The following ADAMTS3 variants were observed in gnomAD, a reference collection of about 807,000 sequenced individuals.
ADAMTS3 encodes A disintegrin and metalloproteinase with thrombospondin motifs 3.
ADAMTS3 carries 73 observed loss-of-function variants against 129.0 expected under a neutral mutation model. The ratio of observed to expected loss-of-function variants is 0.57; its 90% confidence interval spans 0.47 to 0.69. ADAMTS3 has a LOEUF of 0.69. Ranked by LOEUF, ADAMTS3 falls within the 30% of genes least tolerant of loss-of-function variation. The probability of loss-of-function intolerance (pLI) is 0.00; values close to 1 mark genes in which losing one functional copy is unlikely to be tolerated. For synonymous variants in ADAMTS3, 477 were observed against 510.8 expected, an observed-to-expected ratio of 0.93 and a Z score of 0.89; for missense variants, 1,457 against 1,514.5, an observed-to-expected ratio of 0.96 and a Z score of 0.63.
intron 4 of ADAMTS3, among the ~76,000 whole-genome samples, chr4:72,405,548 T>C (rs1722029911): frequency 6.6e-6 from 1 of 152,194 alleles, no homozygotes; most frequent in Non-Finnish European, 1.5e-5. Flanking sequence ...GCCTGGAGAC[T>C]ATATCACAAA....
chr4:72,537,391 T>A (rs813130), intron 3 of ADAMTS3, among the ~76,000 whole-genome samples: 151,577 of 152,318 alleles, frequency 1, 75,424 homozygotes, highest in Middle Eastern at 1. Context: ...AGGGAATTTA[T>A]AGAGATAGCT....
At chr4:72,320,667 T>C (rs774072951) in intron 7 of ADAMTS3, 47 bp downstream of exon 7, 1 of 1,588,714 alleles carries the variant, frequency 6.3e-7, no homozygotes, top group East Asian at 2.3e-5. Flanking sequence ...GATTACTTTT[T>C]AAAAGTCATG....
In ADAMTS3 at chr4:72,281,814, A is replaced by G. The variant is rs1170678128; in HGVS notation, c.*1322T>C. On this transcript the variant is annotated 3_prime_UTR_variant, in exon 22 of 22. Transcript: ENST00000286657. Reference sequence around the variant, plus strand: ...TATTTAGTACATAAAAATACTATCAAGAAAAAAAATCAACTTTTAATAAAT... The same window carrying G: ...TATTTAGTACATAAAAATACTATCAGGAAAAAAAATCAACTTTTAATAAAT... The G allele has an allele frequency of 4.3e-5, 1 of 23,292 alleles. No individual in the cohort carries two copies. Among genetic ancestry groups the G allele is most frequent in the Non-Finnish European group, 1.9e-4 (1 of 5,248 alleles). 1.4% of individuals were successfully genotyped at this position (23,292 alleles called of 1,614,324 possible).
Position 72,515,992 on chromosome 4 carries a change from C to T in ADAMTS3, c.504+32486G>A, listed in dbSNP as rs187460691. Among the ~76,000 whole-genome samples the T allele has an allele frequency of 6.2e-3, 944 of 152,244 alleles. 18 individuals carry two copies. The highest frequency in any genetic ancestry group is 0.022 in the African/African-American group (897 of 41,540). ...TAGGTCTAACATGTAAATCTTTAAT[C>T]CATCTTGAATTAATTTTTGTATAAG... On this transcript the variant is annotated intron_variant, in intron 3 of 21. Transcript: ENST00000286657.
intron 3 of ADAMTS3, among the ~76,000 whole-genome samples, chr4:72,461,596 CAG>C (rs1718773279): frequency 6.6e-6 from 1 of 151,802 alleles, no homozygotes; most frequent in Admixed American, 6.6e-5. Flanking sequence ...TGGCAGTAAA[CAG>C]AGTTTTAAAT....
At chr4:72,564,688 G>A (rs1157971759) in intron 2 of ADAMTS3, among the ~76,000 whole-genome samples, 6 of 152,132 alleles carry the variant, frequency 3.9e-5, no homozygotes, top group Non-Finnish European at 7.4e-5. Context: ...GAAGAGAGAA[G>A]GAAGGAGGCA....
chr4:72,415,762 AATG>A (rs1231062912), intron 3 of ADAMTS3, among the ~76,000 whole-genome samples: 1 of 152,042 alleles, frequency 6.6e-6, no homozygotes, highest in East Asian at 1.9e-4. Flanking sequence ...GCTGAAGAAA[AATG>A]ATGTTTTTTT....
At chr4:72,423,627 T>C (rs1560510435) in intron 3 of ADAMTS3, among the ~76,000 whole-genome samples, 1 of 152,134 alleles carries the variant, frequency 6.6e-6, no homozygotes, top group South Asian at 2.1e-4. Flanking sequence ...TACATATGTA[T>C]ACATGTGCCA....
At chr4:72,355,314 T>G (rs1720552773) in intron 4 of ADAMTS3, among the ~76,000 whole-genome samples, 1 of 151,996 alleles carries the variant, frequency 6.6e-6, no homozygotes, top group African/African-American at 2.4e-5. Context: ...AGTTCCAAAG[T>G]ACTTTCTATG....
rs1417846492 is a variant in ADAMTS3, at chr4:72,323,061, G to A, written c.898C>T (p.His300Tyr). The change falls in exon 6 of 22, where the codon CAT becomes TAT. Residue 300 changes from histidine (H) to tyrosine (Y), a missense_variant. Physicochemically the swap from His to Tyr is moderately conservative, Grantham distance 83. Transcript: ENST00000286657. ...EIYHDESLGV[H>Y]INVVLVRMIM... ...ATGCGCACCAGGACCACATTTATATGCACTCCGAGGGACTCATCATGGTAA... is the reference window on the plus strand; with the variant it reads ...ATGCGCACCAGGACCACATTTATATACACTCCGAGGGACTCATCATGGTAA... 6.2e-7 allele frequency: 1 copy of A among 1,613,448 alleles called. No individual in the cohort carries two copies. Among genetic ancestry groups the A allele is most frequent in the African/African-American group, 1.3e-5 (1 of 74,998 alleles).
At chr4:72,479,340 A>G (rs1719353062) in intron 3 of ADAMTS3, among the ~76,000 whole-genome samples, 1 of 152,232 alleles carries the variant, frequency 6.6e-6, no homozygotes, top group South Asian at 2.1e-4. Context: ...TGGTACCAAA[A>G]CAGAGATATA....
intron 3 of ADAMTS3, among the ~76,000 whole-genome samples, chr4:72,460,049 A>G (rs2109982702): frequency 6.6e-6 from 1 of 151,620 alleles, no homozygotes; most frequent in East Asian, 2.0e-4. Context: ...CAGATTTTGG[A>G]TTTTTAAATT....
chr4:72,550,001 GA>G (rs1373153188), intron 2 of ADAMTS3, among the ~76,000 whole-genome samples: 1 of 4,758 alleles, frequency 2.1e-4, no homozygotes, highest in Admixed American at 1.3e-3. Flanking sequence ...AGAGGAAGAG[GA>G]AGAAGAAGAA....
chr4:72,464,940 C>T (rs545929991), intron 3 of ADAMTS3, among the ~76,000 whole-genome samples: 3 of 152,154 alleles, frequency 2.0e-5, no homozygotes, highest in Non-Finnish European at 4.4e-5. Context: ...TTCATTCATC[C>T]TCTGAGCATT....
At chr4:72,334,036 G>A (rs1322784065) in intron 5 of ADAMTS3, among the ~76,000 whole-genome samples, 2 of 151,734 alleles carry the variant, frequency 1.3e-5, no homozygotes, top group East Asian at 3.9e-4. Context: ...TGTATTTTTA[G>A]TAGAGACGGG....
intron 3 of ADAMTS3, among the ~76,000 whole-genome samples, chr4:72,497,028 C>G (rs529925930): frequency 5.1e-4 from 77 of 152,070 alleles, no homozygotes; most frequent in Admixed American, 1.1e-3. Context: ...CCAGGTCCCC[C>G]CTTTGGAAGC....
chr4:72,511,669 T>C (rs1720319516), intron 3 of ADAMTS3, among the ~76,000 whole-genome samples: 1 of 152,146 alleles, frequency 6.6e-6, no homozygotes, highest in Non-Finnish European at 1.5e-5. Flanking sequence ...AATGAGAATG[T>C]AAATTAGTAT....
chr4:72,411,308 A>G (rs1222981805), intron 4 of ADAMTS3, among the ~76,000 whole-genome samples: 1 of 152,144 alleles, frequency 6.6e-6, no homozygotes, highest in Non-Finnish European at 1.5e-5. Context: ...AGGAAATAGA[A>G]ATAGATATTT....
chr4:72,559,938 A>T (rs573316129), intron 2 of ADAMTS3, among the ~76,000 whole-genome samples: 1 of 151,952 alleles, frequency 6.6e-6, no homozygotes, highest in African/African-American at 2.4e-5. Context: ...ACCTGACTTC[A>T]AACTATACTA....
Sources: allele counts gnomAD v4.1 joint callset (sites outside exome capture counted in the v4.1 genomes callset), GRCh38; gene constraint gnomAD v4.1.1; transcripts MANE v1.5; gene names NCBI Gene and HGNC (gene_info 2026-07-23, HGNC 2026-07-21).